The following DENND10 variants were observed in gnomAD, a reference collection of about 807,000 sequenced individuals.
DENND10 encodes DENN domain containing 10, also known as DENN domain-containing protein 10.
In DENND10, 24 loss-of-function variants were observed where a neutral mutation model predicts 43.6. The ratio of observed to expected loss-of-function variants is 0.55; its 90% confidence interval spans 0.40 to 0.77. The LOEUF is 0.77. Ranked by LOEUF, DENND10 falls within the 30% of genes least tolerant of loss-of-function variation. The probability of loss-of-function intolerance (pLI) is 0.00; values close to 1 mark genes in which losing one functional copy is unlikely to be tolerated. For missense variants in DENND10, 303 were observed against 429.9 expected, an observed-to-expected ratio of 0.70 and a Z score of 2.61; for synonymous variants, 125 against 157.6, an observed-to-expected ratio of 0.79 and a Z score of 1.55.
intron 2 of DENND10, among the ~76,000 whole-genome samples, chr10:119,109,379 T>C (rs1411253398): frequency 1.3e-5 from 2 of 152,120 alleles, no homozygotes; most frequent in African/African-American, 4.8e-5. Flanking sequence ...GCAGGTTTTT[T>C]CAAAGAATAG....
chr10:119,104,113 A>G lies in DENND10; in HGVS notation c.-30A>G, dbSNP rs1261759748. ...GTGCGAGGCCGGTCCTGCAGGCGGC[A>G]GCCAGAGCTGCGCGCCGCGGCGGCG... On this transcript the variant is annotated 5_prime_UTR_variant, in exon 1 of 9. Coordinates refer to ENST00000361432, the MANE Select transcript of DENND10 (RefSeq NM_207009.4). 2.0e-6 allele frequency: 3 copies of G among 1,487,322 alleles called. No homozygotes were observed. The highest frequency in any genetic ancestry group is 2.4e-5 in the Admixed American group (1 of 41,254). 92.1% of individuals were successfully genotyped at this position (1,487,322 alleles called of 1,614,324 possible).
chr10:119,132,640 G>A lies in DENND10; in HGVS notation c.897+31G>A. ...TCCCTCACCTTCTGACTTACTGAAA[G>A]TCCTGACCCGGTGTCGCTGGGTGGT... On this transcript the variant is annotated intron_variant, in intron 8 of 8. Transcript: ENST00000361432. The surrounding 1 kb of genome is among the most constrained non-coding windows in gnomAD (Gnocchi z 4.2). The A allele has an allele frequency of 3.2e-6, 5 of 1,571,818 alleles. No homozygotes were observed. Among genetic ancestry groups the A allele is most frequent in the Non-Finnish European group, 3.5e-6 (4 of 1,141,426 alleles).
chr10:119,118,660 G>A (rs1443867429), intron 4 of DENND10, among the ~76,000 whole-genome samples: 1 of 151,946 alleles, frequency 6.6e-6, no homozygotes, highest in Non-Finnish European at 1.5e-5. Flanking sequence ...GGGACATGGG[G>A]GAGTTAATAG....
chr10:119,111,839 T>C lies in DENND10; in HGVS notation c.253-10T>C, dbSNP rs201412130. ...AAAAAGTGTATTTTTTTGTTGTTTC[T>C]TTTGAACAGGTGACTCATTTTTCTA... On this transcript the variant is annotated splice_polypyrimidine_tract_variant and intron_variant, in intron 2 of 8. Transcript: ENST00000361432. 94 of 1,605,922 alleles carry C rather than the reference T, an allele frequency of 5.9e-5. No homozygotes were observed. Among genetic ancestry groups the C allele is most frequent in the Non-Finnish European group, 7.5e-5 (88 of 1,173,388 alleles).
chr10:119,116,418 G>A (rs1178461236), intron 3 of DENND10, among the ~76,000 whole-genome samples: 2 of 152,180 alleles, frequency 1.3e-5, no homozygotes, highest in Non-Finnish European at 2.9e-5. Flanking sequence ...TCTGTGAACA[G>A]TGCGTAAAAC....
intron 7 of DENND10, 67 bp downstream of exon 7, chr10:119,129,689 C>G: frequency 5.2e-6 from 6 of 1,158,974 alleles, no homozygotes; most frequent in Non-Finnish European, 7.8e-6. Flanking sequence ...TAGGCTGATT[C>G]TCTAAAACCA....
chr10:119,105,524 AT>A, intron 1 of DENND10: 3 of 1,162,014 alleles, frequency 2.6e-6, no homozygotes, highest in Middle Eastern at 2.4e-4. Context: ...TTCTAATGTG[AT>A]TTTCAAACTG....
chr10:119,107,928 G>A, intron 1 of DENND10, 40 bp from the exon 2 acceptor site: 2 of 1,575,836 alleles, frequency 1.3e-6, no homozygotes. Flanking sequence ...CTTCCTTGCT[G>A]CTGTTTGACA....
At chr10:119,112,002 C>A in intron 3 of DENND10, 74 bp downstream of exon 3, 1 of 1,155,100 alleles carries the variant, frequency 8.7e-7, no homozygotes, top group Non-Finnish European at 1.3e-6. Flanking sequence ...CAGATTTCTA[C>A]ACTGAGAAAG....
At chr10:119,128,399 G>A (rs1190061944) in intron 6 of DENND10, among the ~76,000 whole-genome samples, 1 of 151,076 alleles carries the variant, frequency 6.6e-6, no homozygotes, top group Non-Finnish European at 1.5e-5. Flanking sequence ...CACGAGGTCA[G>A]GAGTTCGACA....
At chr10:119,105,874 C>A (rs1844671320) in intron 1 of DENND10, among the ~76,000 whole-genome samples, 1 of 151,684 alleles carries the variant, frequency 6.6e-6, no homozygotes, top group Non-Finnish European at 1.5e-5. Flanking sequence ...AGAGTGAGAC[C>A]CCCCCCAACC....
chr10:119,107,551 G>A (rs1029902381), intron 1 of DENND10, among the ~76,000 whole-genome samples: 5 of 151,780 alleles, frequency 3.3e-5, no homozygotes, highest in African/African-American at 1.2e-4. Flanking sequence ...TTACAGGCAT[G>A]CCCCACCACA....
In DENND10 at chr10:119,137,422, T is replaced by C. The variant is rs1846409234; in HGVS notation, c.*775T>C. The stretch of plus-strand genomic sequence containing the variant: ...CATTGAATATAAAAGTGTGTAGGAC[T>C]GAAACAGTGACCTTATATTATTGCT... On this transcript the variant is annotated 3_prime_UTR_variant, in exon 9 of 9. Coordinates refer to ENST00000361432, the MANE Select transcript of DENND10 (RefSeq NM_207009.4). 1 of 165,474 alleles carries C rather than the reference T, an allele frequency of 6.0e-6. No homozygotes were observed. 10.3% of individuals were successfully genotyped at this position (165,474 alleles called of 1,614,324 possible). A position where few individuals can be genotyped will look rare whatever the true frequency, so the allele number is the denominator to read the frequency against.
At chr10:119,110,819 A>G (rs1056698401) in intron 2 of DENND10, among the ~76,000 whole-genome samples, 1 of 152,192 alleles carries the variant, frequency 6.6e-6, no homozygotes, top group Non-Finnish European at 1.5e-5. Context: ...CAGGAGCTGT[A>G]TGGTTGTTAC....
intron 7 of DENND10, among the ~76,000 whole-genome samples, chr10:119,131,482 T>A (rs539442444): frequency 4.7e-4 from 71 of 152,178 alleles, no homozygotes; most frequent in African/African-American, 1.3e-3. Context: ...ATAAATAAAT[T>A]GTCCCAAATT....
chr10:119,125,501 C>CTTTTGTTTTTT (rs1845784271), intron 6 of DENND10, among the ~76,000 whole-genome samples: 1 of 65,848 alleles, frequency 1.5e-5, no homozygotes, highest in Non-Finnish European at 2.8e-5. Flanking sequence ...TTCTAGTTTT[C>CTTTTGTTTTTT]TTTTTTTTTT....
intron 5 of DENND10, 152 bp from the exon 6 acceptor site, chr10:119,123,317 G>A: frequency 1.7e-6 from 1 of 585,056 alleles, no homozygotes; most frequent in Non-Finnish European, 3.1e-6. Context: ...AAGCCCAGAG[G>A]TTAGCACATT....
At chr10:119,112,329 C>T (rs998484067) in intron 3 of DENND10, among the ~76,000 whole-genome samples, 1 of 151,952 alleles carries the variant, frequency 6.6e-6, no homozygotes, top group African/African-American at 2.4e-5. Context: ...AGAATTATGC[C>T]GAAGCACAAT....
chr10:119,137,320 C>CA lies in DENND10; in HGVS notation c.*674dup, dbSNP rs1403321589. The CA allele has an allele frequency of 6.2e-6, 1 of 162,058 alleles. No homozygotes were observed. Among genetic ancestry groups the CA allele is most frequent in the African/African-American group, 2.5e-5 (1 of 39,736 alleles). The allele number at this position is 162,058 out of a possible 1,614,324, so 10.0% of individuals were successfully genotyped here. A position where few individuals can be genotyped will look rare whatever the true frequency, so the allele number is the denominator to read the frequency against. ...AGTAAGCATTTGGCAAACGTTCAGC[C>CA]ATTAGCACTCATTTAACCCTGTTAG... is the stretch of plus-strand genomic sequence containing the variant. On this transcript the variant is annotated 3_prime_UTR_variant, in exon 9 of 9. Transcript: ENST00000361432.
Sources: allele counts gnomAD v4.1 joint callset (sites outside exome capture counted in the v4.1 genomes callset), GRCh38; gene constraint gnomAD v4.1.1; non-coding constraint Gnocchi (gnomAD v3.1); transcripts MANE v1.5; gene names NCBI Gene and HGNC (gene_info 2026-07-23, HGNC 2026-07-21).